Variants in ZNF157 observed in about 807,000 individuals in gnomAD.
ZNF157 encodes the protein zinc finger protein 157.
Under a neutral mutation model 9.4 loss-of-function variants are expected in ZNF157, and 8 were observed. That is an observed-to-expected ratio of 0.85 (90% CI 0.50 to 1.53). The LOEUF (loss-of-function observed/expected upper bound fraction) is 1.53. Among genes scored for constraint, ZNF157 ranks in the 40% most tolerant of loss-of-function variants. ZNF157 has a pLI of 0.00. For missense variants in ZNF157, 316 were observed against 385.2 expected (o/e 0.82, Z 1.50); for synonymous variants, 120 against 130.8 (o/e 0.92, Z 0.56).
At chrX:47,374,057 A>G (rs2055836360) in intron 1 of ZNF157, among the ~76,000 whole-genome samples, 1 of 110,463 alleles carries the variant, frequency 9.1e-6, no homozygotes, top group Non-Finnish European at 1.9e-5. Flanking sequence ...GGATTGTGGG[A>G]AGCTTGACTT....
At position 47,411,854 on chromosome X, in the gene ZNF157, G is replaced by A. The variant is rs144364994; in HGVS notation, c.296-515G>A. Among the ~76,000 whole-genome samples, 3 of 111,727 alleles carry A rather than the reference G, an allele frequency of 2.7e-5. No individual in the cohort carries two copies. In the East Asian group the frequency reaches 8.3e-4, roughly 31 times the overall value. Reference sequence around the variant, plus strand: ...TTCTCTTGGAGCTTACAATATAGTGGGGGAAAGTGACCAGAAACAAACAAA... The same window carrying A: ...TTCTCTTGGAGCTTACAATATAGTGAGGGAAAGTGACCAGAAACAAACAAA... On this transcript the variant is annotated intron_variant, in intron 3 of 3. Coordinates refer to ENST00000377073, the MANE Select transcript of ZNF157 (RefSeq NM_003446.4).
chrX:47,410,854 G>A, intron 3 of ZNF157, 79 bp downstream of exon 3: 1 of 787,567 alleles, frequency 1.3e-6, no homozygotes, highest in South Asian at 2.5e-5. Flanking sequence ...GGGTATGCTT[G>A]TGCAACACTT....
rs1212398825 is a variant in ZNF157 at position 47,413,442 on chromosome X, C to T, written c.1369C>T (p.Leu457Phe). 2 of 1,210,249 alleles carry T rather than the reference C, an allele frequency of 1.7e-6. No homozygotes were observed. The highest frequency in any genetic ancestry group is 1.7e-5 in the African/African-American group (1 of 57,268). Residue 457 changes from leucine to phenylalanine, a missense_variant, in exon 4 of 4, where the codon CTC (leucine) becomes TTC (phenylalanine). By Grantham distance (22) the Leu-to-Phe change is conservative (BLOSUM62 0). Coordinates refer to ENST00000377073, the MANE Select transcript of ZNF157 (RefSeq NM_003446.4). Reference sequence around the variant, plus strand: ...AAATGCCTTCTATGTGAAAGTACGCCTCATTGAACATCAGCGAATTCACAC... The same window carrying T: ...AAATGCCTTCTATGTGAAAGTACGCTTCATTGAACATCAGCGAATTCACAC... ...CGNAFYVKVR[L>F]IEHQRIHTGE...
At chrX:47,408,272 G>A (rs1377168100) in intron 1 of ZNF157, among the ~76,000 whole-genome samples, 3 of 110,877 alleles carry the variant, frequency 2.7e-5, no homozygotes, top group Non-Finnish European at 5.7e-5. Context: ...ACCATGCCCC[G>A]CTAATTTTTG....
intron 1 of ZNF157, among the ~76,000 whole-genome samples, chrX:47,376,041 A>G (rs1325375362): frequency 8.9e-6 from 1 of 111,828 alleles, no homozygotes; most frequent in Non-Finnish European, 1.9e-5. Context: ...ATCATGCAGT[A>G]TGTAGTCTTT....
chrX:47,396,185 C>T lies in ZNF157; in HGVS notation c.73-14091C>T, dbSNP rs147498154. 8.5e-4 allele frequency among the ~76,000 whole-genome samples: 93 copies of T among 110,016 alleles called. 2 individuals carry two copies. In the East Asian group the frequency reaches 0.024, roughly 28 times the overall value. On this transcript the variant is annotated intron_variant, in intron 1 of 3. Coordinates refer to ENST00000377073, the MANE Select transcript of ZNF157 (RefSeq NM_003446.4). The stretch of plus-strand genomic sequence containing the variant: ...ACGCCTGTAGTCCCAGCTACTTGGG[C>T]GACTGAGGGAAGAGGATCCAGTCCA...
chrX:47,373,863 A>AT (rs1569255808), intron 1 of ZNF157, among the ~76,000 whole-genome samples: 18 of 62,110 alleles, frequency 2.9e-4, no homozygotes, highest in East Asian at 8.4e-4. Context: ...AATTAAAAAA[A>AT]ATTTTTTTTT....
chrX:47,409,329 A>G (rs1486826864), intron 1 of ZNF157, among the ~76,000 whole-genome samples: 1 of 111,434 alleles, frequency 9.0e-6, no homozygotes, highest in Non-Finnish European at 1.9e-5. Context: ...ATTTATAAGT[A>G]TAAATATATT....
Position 47,410,293 on chromosome X carries a change from G to A in ZNF157, c.90G>A (p.Glu30=). 1 of 1,211,424 alleles carries A rather than the reference G, an allele frequency of 8.3e-7. No homozygotes were observed. The highest frequency in any genetic ancestry group is 1.1e-6 in the Non-Finnish European group (1 of 895,449). The part of the protein sequence containing the change: ...GRSFEGSVSF[E]DVAVDFTRQE... Reference sequence around the variant, plus strand: ...TATTACAGGGGTCCGTGTCATTCGAGGATGTGGCTGTGGATTTCACCCGAC... The same window carrying A: ...TATTACAGGGGTCCGTGTCATTCGAAGATGTGGCTGTGGATTTCACCCGAC... The change falls in exon 2 of 4, where the codon GAG becomes GAA. Residue 30 remains glutamate, a synonymous_variant. Coordinates refer to ENST00000377073, the MANE Select transcript of ZNF157 (RefSeq NM_003446.4).
At position 47,370,586 on chromosome X, in the gene ZNF157, C is replaced by A; in HGVS notation, c.-83C>A. On this transcript the variant is annotated 5_prime_UTR_variant, in exon 1 of 4. Transcript: ENST00000377073. Reference sequence around the variant, plus strand: ...TGGTGTCTCTGTGGAGCCATTGAGCCTTACCCCTTACTGGAGGCTGCAGGA... The same window carrying A: ...TGGTGTCTCTGTGGAGCCATTGAGCATTACCCCTTACTGGAGGCTGCAGGA... 1.2e-6 allele frequency: 1 copy of A among 856,477 alleles called. No individual in the cohort carries two copies. Among genetic ancestry groups the A allele is most frequent in the Non-Finnish European group, 1.6e-6 (1 of 612,649 alleles). 70.6% of individuals were successfully genotyped at this position (856,477 alleles called of 1,213,427 possible).
intron 1 of ZNF157, among the ~76,000 whole-genome samples, chrX:47,375,171 C>G (rs567757263): frequency 1.9e-5 from 2 of 106,907 alleles, no homozygotes; most frequent in African/African-American, 6.8e-5. Flanking sequence ...TGTGCACCAC[C>G]ATGCCTGGCT....
Position 47,410,732 on chromosome X carries a change from G to A in ZNF157, c.252G>A (p.Glu84=), listed in dbSNP as rs1473847252. 6 of 1,205,850 alleles carry A rather than the reference G, an allele frequency of 5.0e-6. No homozygotes were observed. The highest frequency in any genetic ancestry group is 3.0e-5 in the East Asian group (1 of 33,664). Residue 84 remains glutamate (E), a synonymous_variant, in exon 3 of 4, where the codon GAG becomes GAA. Transcript: ENST00000377073. ...EMIFKLERGE[E]LWILEEESSG... is the part of the protein sequence containing the mutation. ...TCTTCAAGTTGGAGCGAGGAGAAGA[G>A]CTGTGGATATTAGAGGAGGAATCCT... is the stretch of plus-strand genomic sequence containing the variant.
chrX:47,376,248 C>T (rs1390681689), intron 1 of ZNF157, among the ~76,000 whole-genome samples: 1 of 112,167 alleles, frequency 8.9e-6, no homozygotes, highest in Non-Finnish European at 1.9e-5. Context: ...TTTGTGTGAA[C>T]ATGTTTTGAA....
At chrX:47,383,919 A>C (rs2055872018) in intron 1 of ZNF157, among the ~76,000 whole-genome samples, 1 of 109,899 alleles carries the variant, frequency 9.1e-6, no homozygotes, top group African/African-American at 3.3e-5. Context: ...AGAATATAGA[A>C]ATGTAACAGT....
intron 1 of ZNF157, among the ~76,000 whole-genome samples, chrX:47,374,953 A>G (rs1349089044): frequency 1.1e-5 from 1 of 94,154 alleles, no homozygotes; most frequent in African/African-American, 3.9e-5. Flanking sequence ...TCAGCCTCCC[A>G]AAGTTCTGGG....
chrX:47,405,406 A>G (rs2055944092), intron 1 of ZNF157, among the ~76,000 whole-genome samples: 2 of 109,351 alleles, frequency 1.8e-5, no homozygotes, highest in South Asian at 8.0e-4. Context: ...AAAAAAATGA[A>G]CAAGGGGGAA....
chrX:47,396,555 T>A (rs2055914096), intron 1 of ZNF157, among the ~76,000 whole-genome samples: 1 of 110,758 alleles, frequency 9.0e-6, no homozygotes, highest in Admixed American at 9.8e-5. Flanking sequence ...AAAAAAGTTA[T>A]ATATTTATAT....
At chrX:47,387,380 C>T (rs2055883012) in intron 1 of ZNF157, among the ~76,000 whole-genome samples, 1 of 110,330 alleles carries the variant, frequency 9.1e-6, no homozygotes, top group Non-Finnish European at 1.9e-5. Context: ...GCCTCAGCCT[C>T]CCAAAGTGTT....
chrX:47,400,443 A>AGCTACTG (rs1244795379), intron 1 of ZNF157, among the ~76,000 whole-genome samples: 1 of 111,769 alleles, frequency 8.9e-6, no homozygotes, highest in African/African-American at 3.3e-5. Flanking sequence ...TATAGGCATG[A>AGCTACTG]GCTACTGGAC....
Sources: allele counts gnomAD v4.1 joint callset (sites outside exome capture counted in the v4.1 genomes callset), GRCh38; gene constraint gnomAD v4.1.1; transcripts MANE v1.5; gene names NCBI Gene and HGNC (gene_info 2026-07-23, HGNC 2026-07-21).